The following BLTP1 variants were observed in gnomAD, a reference collection of about 807,000 sequenced individuals.
BLTP1 encodes fragile site-associated protein.
chr4:122,184,579 G>T, the BLTP1 span: 1 of 374,090 alleles, frequency 2.7e-6, no homozygotes, highest in Non-Finnish European at 3.7e-6. Flanking sequence ...GTGCCAGGTT[G>T]CAGTGAGCTG....
chr4:122,171,340 G>A, the BLTP1 span, among the ~76,000 whole-genome samples: 9 of 152,076 alleles, frequency 5.9e-5, no homozygotes, highest in South Asian at 2.1e-4. Flanking sequence ...AATAATACAG[G>A]GAAGGGAGAA....
the BLTP1 span, chr4:122,359,216 A>G: frequency 2.0e-6 from 1 of 498,466 alleles, no homozygotes; most frequent in Admixed American, 6.4e-5. Context: ...GTGCACATGT[A>G]CCCTAAAACT....
the BLTP1 span, chr4:122,350,172 A>G: frequency 2.1e-6 from 3 of 1,457,792 alleles, no homozygotes; most frequent in African/African-American, 4.3e-5. Context: ...CCCCACTTAG[A>G]AAATAGCCCA....
At chr4:122,223,347 A>G in the BLTP1 span, among the ~76,000 whole-genome samples, 1 of 152,220 alleles carries the variant, frequency 6.6e-6, no homozygotes, top group Admixed American at 6.5e-5. Context: ...TACTGTAATA[A>G]AACTAGGTTG....
the BLTP1 span, among the ~76,000 whole-genome samples, chr4:122,308,706 G>A: frequency 5.9e-5 from 9 of 152,014 alleles, no homozygotes; most frequent in African/African-American, 2.2e-4. Context: ...ATGTGTGTAT[G>A]AGAGAGAGAA....
the BLTP1 span, chr4:122,302,372 AT>A: frequency 1.3e-5 from 4 of 299,838 alleles, no homozygotes; most frequent in East Asian, 1.7e-4. Flanking sequence ...TGAAGGTGCC[AT>A]TTTTCCAATA....
the BLTP1 span, chr4:122,240,041 T>C: frequency 6.2e-7 from 1 of 1,614,196 alleles, no homozygotes; most frequent in Non-Finnish European, 8.5e-7. Context: ...ATTCCAGAAC[T>C]CTGCCATTCA....
the BLTP1 span, among the ~76,000 whole-genome samples, chr4:122,208,867 C>T: frequency 6.6e-6 from 1 of 151,226 alleles, no homozygotes; most frequent in African/African-American, 2.4e-5. Context: ...CACAGCAAGA[C>T]CCTGTCTCTA....
the BLTP1 span, chr4:122,286,361 G>T: frequency 1.3e-6 from 1 of 797,066 alleles, no homozygotes; most frequent in South Asian, 5.8e-5. Flanking sequence ...CTTGCTGATT[G>T]ACTTGCGTAT....
At chr4:122,327,096 G>T in the BLTP1 span, among the ~76,000 whole-genome samples, 1 of 123,858 alleles carries the variant, frequency 8.1e-6, no homozygotes, top group East Asian at 2.4e-4. Context: ...AGGTCATAGG[G>T]GGGTGTTTTG....
At chr4:122,337,112 T>G in the BLTP1 span, 1 of 1,180,510 alleles carries the variant, frequency 8.5e-7, no homozygotes, top group Non-Finnish European at 1.2e-6. Flanking sequence ...GTTTAAAAGT[T>G]TTCTTAACCT....
chr4:122,358,896 AATT>A, the BLTP1 span, among the ~76,000 whole-genome samples: 1 of 152,140 alleles, frequency 6.6e-6, no homozygotes, highest in Non-Finnish European at 1.5e-5. Context: ...CTTTATATAT[AATT>A]ATTATAGCCA....
the BLTP1 span, chr4:122,182,867 T>C: frequency 2.0e-6 from 2 of 984,976 alleles, no homozygotes; most frequent in African/African-American, 1.7e-5. Context: ...CAATGATTAA[T>C]AAAGTGAATG....
At chr4:122,184,635 G>A in the BLTP1 span, 38 of 941,424 alleles carry the variant, frequency 4.0e-5, no homozygotes, top group Admixed American at 1.9e-4. Flanking sequence ...GGGAGACTCC[G>A]TCTCAAAAAA....
chr4:122,356,829 G>A, the BLTP1 span: 2 of 1,537,696 alleles, frequency 1.3e-6, no homozygotes, highest in Middle Eastern at 2.2e-4. Flanking sequence ...AATTGTTATG[G>A]TCTAATGAGA....
At chr4:122,245,677 A>T in the BLTP1 span, among the ~76,000 whole-genome samples, 1 of 152,176 alleles carries the variant, frequency 6.6e-6, no homozygotes, top group Non-Finnish European at 1.5e-5. Flanking sequence ...TTTCAAATTT[A>T]TCTGGATTAT....
chr4:122,200,278 T>C, the BLTP1 span: 13 of 985,284 alleles, frequency 1.3e-5, no homozygotes, highest in East Asian at 1.0e-3. Context: ...CTTTTCCCTT[T>C]GCAGAAATGC....
At chr4:122,271,727 A>G in the BLTP1 span, 6 of 1,536,014 alleles carry the variant, frequency 3.9e-6, no homozygotes, top group African/African-American at 1.4e-5. Flanking sequence ...ACCAGCAGGT[A>G]ACAGACATTT....
At chr4:122,165,807 A>C in the BLTP1 span, among the ~76,000 whole-genome samples, 2 of 145,318 alleles carry the variant, frequency 1.4e-5, no homozygotes, top group Non-Finnish European at 3.0e-5. Context: ...TTTGATTTGC[A>C]TTTCTCTGAT....
Sources: allele counts gnomAD v4.1 joint callset (sites outside exome capture counted in the v4.1 genomes callset), GRCh38; gene constraint gnomAD v4.1.1; transcripts MANE v1.5; gene names NCBI Gene and HGNC (gene_info 2026-07-23, HGNC 2026-07-21).